The following KNDC1 variants were observed in gnomAD, a reference collection of about 807,000 sequenced individuals.
KNDC1 encodes the protein kinase non-catalytic C-lobe domain-containing protein 1.
A neutral mutation model predicts 172.8 loss-of-function variants in KNDC1; 106 were observed. The observed-to-expected ratio is 0.61, with a 90% CI of 0.52 to 0.72. KNDC1 has a LOEUF of 0.72. KNDC1 is among the 30% of genes least tolerant of loss of function. The pLI is 0.00. For missense variants in KNDC1, 2,325 were observed against 2,394.5 expected (o/e 0.97, Z 0.61); for synonymous variants, 1,083 against 1,062.2 (o/e 1.02, Z -0.38).
rs1853801537 is a variant in KNDC1 at position 133,183,949 on chromosome 10, G to A, written c.585G>A (p.Gly195=). 1 of 1,601,564 alleles carries A rather than the reference G, an allele frequency of 6.2e-7. No homozygotes were observed. Among genetic ancestry groups the A allele is most frequent in the African/African-American group, 1.3e-5 (1 of 74,792 alleles). The change falls in exon 5 of 30, where the codon GGG becomes GGA. Residue 195 remains glycine (G), a synonymous_variant. Coordinates refer to ENST00000304613, the MANE Select transcript of KNDC1 (RefSeq NM_152643.8). ...CRVCRSLSAV[G]RRVLSIESFG... is the part of the protein sequence containing the mutation. ...TGTGCCGGAGCCTCTCTGCTGTGGG[G>A]AGGAGGGTCCTCTCCATCGAGTCCT...
chr10:133,184,108 T>TGC, intron 5 of KNDC1, 119 bp downstream of exon 5: 1 of 527,106 alleles, frequency 1.9e-6, no homozygotes, highest in Non-Finnish European at 3.3e-6. Flanking sequence ...CACACACCCA[T>TGC]ACTGCACACA....
At chr10:133,161,879 C>T (rs1339484374) in intron 1 of KNDC1, among the ~76,000 whole-genome samples, 3 of 152,220 alleles carry the variant, frequency 2.0e-5, no homozygotes, top group Non-Finnish European at 4.4e-5. Context: ...CTCCCCGCTC[C>T]GCACACGGAG....
In KNDC1 at chr10:133,173,362, T is replaced by C. The variant is rs112833444; in HGVS notation, c.360+5050T>C. 6.2e-3 allele frequency among the ~76,000 whole-genome samples: 944 copies of C among 152,350 alleles called. 9 individuals carry two copies. Among genetic ancestry groups the C allele is most frequent in the African/African-American group, 0.021 (877 of 41,568 alleles). ...TGACTCGAGCTGGACACTTAGGTCATTGGCTTTCAGCTTTTCTTCCTTTCC... is the reference window on the plus strand; with the variant it reads ...TGACTCGAGCTGGACACTTAGGTCACTGGCTTTCAGCTTTTCTTCCTTTCC... On this transcript the variant is annotated intron_variant, in intron 3 of 29. Transcript: ENST00000304613.
At chr10:133,200,325 C>T (rs753724542) in intron 15 of KNDC1, 50 bp from the exon 16 acceptor site, 4 of 1,413,938 alleles carry the variant, frequency 2.8e-6, no homozygotes, top group Non-Finnish European at 3.8e-6. Context: ...GAGACTGTGG[C>T]CTCCTCCCAG....
In KNDC1 at chr10:133,224,964, G is replaced by C; in HGVS notation, c.*74G>C. ...GGGCGGGCTGGGAGGTGGGAGCCGC[G>C]TCTCAGGCCCGGCCGTTATCAAGGC... On this transcript the variant is annotated 3_prime_UTR_variant, in exon 30 of 30. Coordinates refer to ENST00000304613, the MANE Select transcript of KNDC1 (RefSeq NM_152643.8). The surrounding 1 kb of genome is among the most constrained non-coding windows in gnomAD (Gnocchi z 5.4). 8.1e-7 allele frequency: 1 copy of C among 1,235,346 alleles called. No individual in the cohort carries two copies. Among genetic ancestry groups the C allele is most frequent in the African/African-American group, 1.5e-5 (1 of 66,836 alleles). The allele number at this position is 1,235,346 out of a possible 1,614,324, so 76.5% of individuals were successfully genotyped here. A position where few individuals can be genotyped will look rare whatever the true frequency, so the allele number is the denominator to read the frequency against.
chr10:133,187,090 G>C (rs1385324007), intron 6 of KNDC1, among the ~76,000 whole-genome samples: 5 of 152,214 alleles, frequency 3.3e-5, no homozygotes, highest in Non-Finnish European at 7.3e-5. Flanking sequence ...TATTCTGACG[G>C]TTTAAAAGTT....
chr10:133,195,784 G>A lies in KNDC1; in HGVS notation c.1697G>A (p.Ser566Asn), dbSNP rs1234747030. The A allele has an allele frequency of 6.3e-7, 1 of 1,596,066 alleles. No homozygotes were observed. The highest frequency in any genetic ancestry group is 8.5e-7 in the Non-Finnish European group (1 of 1,172,166). ...KTLLLDMARR[S>N]APERPSAAEA... ...CTCCTCCTGGACATGGCCAGGCGCA[G>A]TGCCCCGGAGCGGCCGTCCGCGGCT... The change falls in exon 10 of 30, where the codon AGT becomes AAT. Residue 566 changes from serine to asparagine, a missense_variant. Ser to Asn is a conservative substitution (Grantham distance 46). Transcript: ENST00000304613.
Position 133,169,097 on chromosome 10 carries a change from C to G in KNDC1, c.360+785C>G, listed in dbSNP as rs373000063. ...AAAGCAATCCTTAACAAATAAGTAA[C>G]TAGGAACTCAAAGATCTTCCCAATA... On this transcript the variant is annotated intron_variant, in intron 3 of 29. Coordinates refer to ENST00000304613, the MANE Select transcript of KNDC1 (RefSeq NM_152643.8). 8.5e-5 allele frequency among the ~76,000 whole-genome samples: 13 copies of G among 152,316 alleles called. No homozygotes were observed. The East Asian group carries it at 1.5e-3, about 18-fold the overall frequency.
chr10:133,206,570 G>C, intron 17 of KNDC1, 115 bp from the exon 18 acceptor site: 1 of 853,056 alleles, frequency 1.2e-6, no homozygotes. Flanking sequence ...ATGGGACCCT[G>C]CCCTGCAGCT....
intron 7 of KNDC1, 26 bp from the exon 8 acceptor site, chr10:133,189,572 C>A (rs1386884065): frequency 1.2e-6 from 2 of 1,609,808 alleles, no homozygotes; most frequent in Non-Finnish European, 1.7e-6. Context: ...GCATGCATAC[C>A]CGCCCTGACC....
Position 133,198,704 on chromosome 10 carries a change from G to A in KNDC1, c.2196G>A (p.Pro732=), listed in dbSNP as rs765419773. The A allele has an allele frequency of 8.2e-6, 13 of 1,578,446 alleles. No homozygotes were observed. The highest frequency in any genetic ancestry group is 5.8e-5 in the South Asian group (5 of 86,884). Residue 732 remains proline, a synonymous_variant, in exon 14 of 30, where the codon CCG becomes CCA. Coordinates refer to ENST00000304613, the MANE Select transcript of KNDC1 (RefSeq NM_152643.8). ...CCAGCCTGAAGACGCCTGACGGGCC[G>A]GTGCCTGGTCCGGGGCCACAGGGAG... ...GSPSLKTPDG[P]VPGPGPQGAA...
intron 3 of KNDC1, among the ~76,000 whole-genome samples, chr10:133,172,241 C>T (rs959328847): frequency 2.0e-5 from 3 of 152,168 alleles, no homozygotes; most frequent in Non-Finnish European, 4.4e-5. Flanking sequence ...GAATGGCGCC[C>T]GCCTCCACCG....
intron 1 of KNDC1, 95 bp from the exon 2 acceptor site, chr10:133,167,286 C>G (rs1050514439): frequency 1.5e-5 from 18 of 1,236,310 alleles, no homozygotes; most frequent in Middle Eastern, 2.5e-4. Flanking sequence ...AACGCTGCCA[C>G]GAGTCGTCCG....
intron 3 of KNDC1, among the ~76,000 whole-genome samples, chr10:133,175,046 T>C (rs765241066): frequency 9.5e-5 from 11 of 116,362 alleles, no homozygotes; most frequent in Non-Finnish European, 1.8e-4. Flanking sequence ...AAGGTAGATA[T>C]GTGGATGGAT....
In KNDC1 at chr10:133,211,762, C is replaced by T. The variant is rs202170934; in HGVS notation, c.4140C>T (p.Arg1380=). ...ACCGGCGGGCCGAGGGCAACCCTCGCGGCACAGACCTGGAGAACCCCAGGG... is the reference window on the plus strand; with the variant it reads ...ACCGGCGGGCCGAGGGCAACCCTCGTGGCACAGACCTGGAGAACCCCAGGG... The part of the protein sequence containing the change: ...GMDRRAEGNP[R]GTDLENPREA... The change falls in exon 23 of 30, where the codon CGC becomes CGT. Residue 1380 remains arginine (R), a synonymous_variant. Coordinates refer to ENST00000304613, the MANE Select transcript of KNDC1 (RefSeq NM_152643.8). 4.3e-5 allele frequency: 69 copies of T among 1,610,206 alleles called. No homozygotes were observed. In the African/African-American group the frequency reaches 5.3e-4, roughly 12 times the overall value.
intron 26 of KNDC1, among the ~76,000 whole-genome samples, chr10:133,216,917 C>T (rs553202181): frequency 7.8e-4 from 119 of 152,356 alleles, no homozygotes; most frequent in African/African-American, 2.7e-3. Context: ...CTCAGGGAAA[C>T]GAGCCAGTCG....
intron 1 of KNDC1, among the ~76,000 whole-genome samples, chr10:133,165,466 C>T (rs1479247857): frequency 1.3e-5 from 2 of 152,200 alleles, no homozygotes; most frequent in Non-Finnish European, 1.5e-5. Context: ...CCAGAGGCAC[C>T]CCAGGGCCCC....
At chr10:133,221,406 G>A (rs1332382969) in intron 29 of KNDC1, among the ~76,000 whole-genome samples, 1 of 131,732 alleles carries the variant, frequency 7.6e-6, no homozygotes, top group African/African-American at 2.5e-5. Flanking sequence ...CACCTGGTAA[G>A]GCACAGGGGC....
Position 133,225,578 on chromosome 10 carries a change from G to T in KNDC1, c.*688G>T, listed in dbSNP as rs1426456605. ...CCAGGGCCCAGGGCCCCCCAGCTTA[G>T]AACAGCCCTTGGTGAGGTGGTCATG... On this transcript the variant is annotated 3_prime_UTR_variant, in exon 30 of 30. Coordinates refer to ENST00000304613, the MANE Select transcript of KNDC1 (RefSeq NM_152643.8). 1.3e-5 allele frequency: 2 copies of T among 152,888 alleles called. No homozygotes were observed. The highest frequency in any genetic ancestry group is 2.9e-5 in the Non-Finnish European group (2 of 68,638). The allele number at this position is 152,888 out of a possible 1,614,324, so 9.5% of individuals were successfully genotyped here.
Sources: gnomAD v4.1 joint callset for allele counts (sites outside exome capture counted in the v4.1 genomes callset) on GRCh38, gnomAD v4.1.1 for gene constraint, Gnocchi (gnomAD v3.1) non-coding constraint, MANE v1.5 for transcripts, NCBI Gene and HGNC (gene_info 2026-07-23, HGNC 2026-07-21) for gene names.